The following MARCHF4 variants were observed in gnomAD, a reference collection of about 807,000 sequenced individuals.
MARCHF4 encodes E3 ubiquitin-protein ligase MARCHF4.
Under a neutral mutation model 43.9 loss-of-function variants are expected in MARCHF4, and 14 were observed. The ratio of observed to expected loss-of-function variants is 0.32; its 90% CI spans 0.21 to 0.50. The LOEUF (loss-of-function observed/expected upper bound fraction) is 0.50, where lower values mean the gene tolerates loss of function less well. Ranked by LOEUF, MARCHF4 falls within the 20% of genes least tolerant of loss-of-function variation. The pLI is 0.98. For missense variants in MARCHF4, 468 were observed against 536.7 expected, an observed-to-expected ratio of 0.87 and a Z score of 1.27; for synonymous variants, 226 against 213.3, an observed-to-expected ratio of 1.06 and a Z score of -0.52.
At chr2:216,327,816 T>G (rs1307137039) in intron 1 of MARCHF4, among the ~76,000 whole-genome samples, 1 of 152,112 alleles carries the variant, frequency 6.6e-6, no homozygotes, top group Non-Finnish European at 1.5e-5. Flanking sequence ...TAAGCACTAT[T>G]CAGCTCTACC....
chr2:216,301,365 A>C (rs1691491105), intron 1 of MARCHF4, among the ~76,000 whole-genome samples: 1 of 152,168 alleles, frequency 6.6e-6, no homozygotes, highest in African/African-American at 2.4e-5. Flanking sequence ...GAGCCTGTGA[A>C]TCTTCTCATC....
At chr2:216,367,768 T>A (rs1303278960) in intron 1 of MARCHF4, among the ~76,000 whole-genome samples, 2 of 152,252 alleles carry the variant, frequency 1.3e-5, no homozygotes, top group African/African-American at 2.4e-5. Context: ...TCTGACCAGA[T>A]CTTGTATCAC....
At chr2:216,266,693 T>G (rs1462209981) in intron 3 of MARCHF4, among the ~76,000 whole-genome samples, 3 of 152,132 alleles carry the variant, frequency 2.0e-5, no homozygotes, top group Non-Finnish European at 4.4e-5. Flanking sequence ...CCACCCATCT[T>G]CCAGATTCCA....
At chr2:216,361,639 A>T (rs1692581509) in intron 1 of MARCHF4, among the ~76,000 whole-genome samples, 1 of 152,208 alleles carries the variant, frequency 6.6e-6, no homozygotes, top group Admixed American at 6.5e-5. Flanking sequence ...TCCAAGGAAG[A>T]GAGGACAGAG....
At chr2:216,280,930 C>G (rs906204972) in intron 2 of MARCHF4, among the ~76,000 whole-genome samples, 1 of 151,930 alleles carries the variant, frequency 6.6e-6, no homozygotes, top group Non-Finnish European at 1.5e-5. Flanking sequence ...AGCCATGAAA[C>G]CTTTAGACTC....
At chr2:216,318,927 A>AT (rs1691831338) in intron 1 of MARCHF4, among the ~76,000 whole-genome samples, 1 of 152,168 alleles carries the variant, frequency 6.6e-6, no homozygotes, top group Non-Finnish European at 1.5e-5. Context: ...GGGAGGTAGG[A>AT]TTATGGATTT....
intron 1 of MARCHF4, among the ~76,000 whole-genome samples, chr2:216,363,921 G>T (rs1692627217): frequency 6.6e-6 from 1 of 152,110 alleles, no homozygotes; most frequent in South Asian, 2.1e-4. Context: ...AGGCTGAGGG[G>T]ATCATCCCTT....
At chr2:216,266,335 G>T (rs1291323798) in intron 3 of MARCHF4, among the ~76,000 whole-genome samples, 1 of 152,036 alleles carries the variant, frequency 6.6e-6, no homozygotes, top group African/African-American at 2.4e-5. Context: ...ACTGTGCCTG[G>T]GACACATGTA....
intron 1 of MARCHF4, among the ~76,000 whole-genome samples, chr2:216,358,394 T>C (rs1692531923): frequency 6.6e-6 from 1 of 152,188 alleles, no homozygotes; most frequent in African/African-American, 2.4e-5. Flanking sequence ...TTCTTTTCCC[T>C]TTTCAGCCTT....
intron 1 of MARCHF4, among the ~76,000 whole-genome samples, chr2:216,363,315 T>G (rs1477308737): frequency 6.6e-6 from 1 of 152,156 alleles, no homozygotes; most frequent in Non-Finnish European, 1.5e-5. Context: ...AACAATTGAT[T>G]AGAGAACTGC....
At chr2:216,284,194 C>A (rs908148761) in intron 1 of MARCHF4, among the ~76,000 whole-genome samples, 1 of 152,130 alleles carries the variant, frequency 6.6e-6, no homozygotes, top group Non-Finnish European at 1.5e-5. Flanking sequence ...GGAAAGCCAC[C>A]ATCAGCTCTA....
At chr2:216,298,482 T>C (rs897853236) in intron 1 of MARCHF4, among the ~76,000 whole-genome samples, 6 of 152,066 alleles carry the variant, frequency 3.9e-5, no homozygotes, top group African/African-American at 1.4e-4. Context: ...CCCAGGCTGG[T>C]CTCAAACTCC....
At chr2:216,288,559 C>G (rs916063151) in intron 1 of MARCHF4, among the ~76,000 whole-genome samples, 2 of 152,056 alleles carry the variant, frequency 1.3e-5, no homozygotes, top group Admixed American at 1.3e-4. Context: ...TGACTTCTAG[C>G]CCAAGATTGT....
At position 216,259,685 on chromosome 2, in the gene MARCHF4, G is replaced by A. The variant is rs1317062476; in HGVS notation, c.866-6C>T. On this transcript the variant is annotated splice_region_variant and splice_polypyrimidine_tract_variant and intron_variant, in intron 3 of 3. Coordinates refer to ENST00000273067, the MANE Select transcript of MARCHF4 (RefSeq NM_020814.3). ...TCCTTCATGGATGATGAGACCTGAG[G>A]CAGCAGGGAGAGGAGAAACAGAGGC... is the stretch of plus-strand genomic sequence containing the variant. The A allele has an allele frequency of 2.3e-5, 37 of 1,611,120 alleles. No homozygotes were observed. The Admixed American group carries it at 5.8e-4, about 25-fold the overall frequency.
At chr2:216,306,137 A>G (rs1310287920) in intron 1 of MARCHF4, among the ~76,000 whole-genome samples, 4 of 152,228 alleles carry the variant, frequency 2.6e-5, no homozygotes. Context: ...TTTAATTGAA[A>G]TTATACATGC....
chr2:216,368,742 C>T (rs1021791929), intron 1 of MARCHF4, among the ~76,000 whole-genome samples: 4 of 152,220 alleles, frequency 2.6e-5, no homozygotes, highest in African/African-American at 9.7e-5. Flanking sequence ...GCCCACCTTG[C>T]AATTGAATAC....
chr2:216,339,397 T>G (rs546719364), intron 1 of MARCHF4, among the ~76,000 whole-genome samples: 2 of 152,310 alleles, frequency 1.3e-5, no homozygotes, highest in East Asian at 3.9e-4. Context: ...AATCCACCCA[T>G]CCTTCAGGCT....
In MARCHF4 at chr2:216,277,698, T is replaced by C; in HGVS notation, c.839A>G (p.Tyr280Cys). The part of the protein sequence containing the change: ...DLLFQICYGM[Y>C]GFMDVVCIGL... Reference sequence around the variant, plus strand: ...TATGCACACCACGTCCATGAAGCCATACATCCCGTAGCAGATCTGGAAGAG... The same window carrying C: ...TATGCACACCACGTCCATGAAGCCACACATCCCGTAGCAGATCTGGAAGAG... The change falls in exon 3 of 4, where the codon TAT becomes TGT. Residue 280 changes from tyrosine (Y) to cysteine (C), a missense_variant. Coordinates refer to ENST00000273067, the MANE Select transcript of MARCHF4 (RefSeq NM_020814.3). 4 of 1,613,032 alleles carry C rather than the reference T, an allele frequency of 2.5e-6. No individual in the cohort carries two copies. The highest frequency in any genetic ancestry group is 3.4e-6 in the Non-Finnish European group (4 of 1,179,160).
At chr2:216,328,348 G>A (rs1252251285) in intron 1 of MARCHF4, among the ~76,000 whole-genome samples, 1 of 152,164 alleles carries the variant, frequency 6.6e-6, no homozygotes, top group African/African-American at 2.4e-5. Context: ...TTTTGTTTTA[G>A]TAGAGACGGG....
Sources: allele counts gnomAD v4.1 joint callset (sites outside exome capture counted in the v4.1 genomes callset), GRCh38; gene constraint gnomAD v4.1.1; transcripts MANE v1.5; gene names NCBI Gene and HGNC (gene_info 2026-07-23, HGNC 2026-07-21).